The following CMIP variants were observed in gnomAD, a reference collection of about 807,000 sequenced individuals.
The protein encoded by CMIP is C-Maf-inducing protein.
In CMIP, 13 loss-of-function variants were observed where a neutral mutation model predicts 97.3. That is an observed-to-expected ratio of 0.13 (90% CI 0.09 to 0.21). The LOEUF is 0.21. Among genes scored for constraint, CMIP ranks in the 10% least tolerant of loss-of-function variants. The pLI is 1.00. For synonymous variants in CMIP, 538 were observed against 436.3 expected, an observed-to-expected ratio of 1.23 and a Z score of -2.91; for missense variants, 847 against 1,024.9, an observed-to-expected ratio of 0.83 and a Z score of 2.37.
intron 3 of CMIP, among the ~76,000 whole-genome samples, chr16:81,629,876 G>A (rs368442681): frequency 3.2e-4 from 49 of 152,328 alleles, no homozygotes; most frequent in African/African-American, 5.3e-4. Flanking sequence ...TATAGATAAC[G>A]CAGCCATGAC....
intron 1 of CMIP, among the ~76,000 whole-genome samples, chr16:81,484,080 C>T (rs1033842470): frequency 2.6e-5 from 4 of 152,292 alleles, no homozygotes; most frequent in East Asian, 1.9e-4. Context: ...GATTCATTGG[C>T]GGACAAACCA....
rs2092358564 is a variant in CMIP at position 81,645,827 on chromosome 16, A to T, written c.478-6376A>T. 7 of 582,576 alleles carry T rather than the reference A, an allele frequency of 1.2e-5. No individual in the cohort carries two copies. The Admixed American group carries it at 1.8e-4, about 15-fold the overall frequency. The allele number at this position is 582,576 out of a possible 1,614,324, so 36.1% of individuals were successfully genotyped here. A position where few individuals can be genotyped will look rare whatever the true frequency, so the allele number is the denominator to read the frequency against. On this transcript the variant is annotated intron_variant, in intron 3 of 20. Transcript: ENST00000537098. ...CTGCTGTTTAGCCAGGAACTGAGCT[A>T]AGTGTTTTATATATTATCTCATGAA...
intron 2 of CMIP, among the ~76,000 whole-genome samples, chr16:81,610,088 C>T (rs1358136620): frequency 2.0e-5 from 3 of 152,148 alleles, no homozygotes; most frequent in East Asian, 3.9e-4. Context: ...TCCTGCTCCA[C>T]CAGCAAAGGG....
Position 81,691,739 on chromosome 16 carries a change from C to A in CMIP, c.1389-36C>A, listed in dbSNP as rs1260988990. 5 of 1,596,086 alleles carry A rather than the reference C, an allele frequency of 3.1e-6. No homozygotes were observed. The Admixed American group carries it at 5.0e-5, about 16-fold the overall frequency. On this transcript the variant is annotated intron_variant, in intron 10 of 20. Coordinates refer to ENST00000537098, the MANE Select transcript of CMIP (RefSeq NM_198390.3). ...AACAGTGCCATAAACCTTCCTTGTC[C>A]CAACCAAAGCTGACTGTCACCCTCT...
chr16:81,670,366 GC>G, intron 8 of CMIP, 121 bp downstream of exon 8: 1 of 1,057,026 alleles, frequency 9.5e-7, no homozygotes, highest in South Asian at 1.5e-5. Flanking sequence ...CTATGAGGAA[GC>G]CCCTAGCCTA....
At position 81,701,607 on chromosome 16, in the gene CMIP, C is replaced by G. The variant is rs1192897720; in HGVS notation, c.1756-53C>G. ...AGGCCCTTGGGGTGCACAGAGTGTGCTGAGCTAGGGTGGCAGGCCGGGTCC... is the reference window on the plus strand; with the variant it reads ...AGGCCCTTGGGGTGCACAGAGTGTGGTGAGCTAGGGTGGCAGGCCGGGTCC... On this transcript the variant is annotated intron_variant, in intron 15 of 20. Coordinates refer to ENST00000537098, the MANE Select transcript of CMIP (RefSeq NM_198390.3). The G allele has an allele frequency of 9.3e-6, 15 of 1,612,236 alleles. No homozygotes were observed. The African/African-American group carries it at 1.7e-4, about 19-fold the overall frequency.
In CMIP at chr16:81,702,564, G is replaced by A. The variant is rs1482218734; in HGVS notation, c.1897-58G>A. On this transcript the variant is annotated intron_variant, in intron 16 of 20. Coordinates refer to ENST00000537098, the MANE Select transcript of CMIP (RefSeq NM_198390.3). ...ATGAGTGTTGTTAACAGAGGTGGAA[G>A]TCTAGAATGGAAACTTGGGGAAAAG... The A allele has an allele frequency of 5.9e-6, 9 of 1,519,516 alleles. No homozygotes were observed. The South Asian group carries it at 8.1e-5, about 14-fold the overall frequency. The allele number at this position is 1,519,516 out of a possible 1,614,324, so 94.1% of individuals were successfully genotyped here. A position where few individuals can be genotyped will look rare whatever the true frequency, so the allele number is the denominator to read the frequency against.
intron 1 of CMIP, among the ~76,000 whole-genome samples, chr16:81,532,294 GA>G (rs2090253078): frequency 6.6e-6 from 1 of 152,252 alleles, no homozygotes; most frequent in African/African-American, 2.4e-5. Flanking sequence ...GTGTTAGGTA[GA>G]AGTGTGTGTG....
At chr16:81,685,197 C>T (rs1905254763) in intron 10 of CMIP, among the ~76,000 whole-genome samples, 2 of 152,338 alleles carry the variant, frequency 1.3e-5, no homozygotes, top group South Asian at 4.1e-4. Flanking sequence ...CAAGGAAGTC[C>T]ACTTGCCCTC....
rs1555549305 is a variant in CMIP, at chr16:81,678,641, C to CG, written c.1388+13_1388+14insG. 73 of 1,318,228 alleles carry CG rather than the reference C, an allele frequency of 5.5e-5. No individual in the cohort carries two copies. The highest frequency in any genetic ancestry group is 3.1e-4 in the South Asian group (25 of 80,492). 81.7% of individuals were successfully genotyped at this position (1,318,228 alleles called of 1,614,324 possible). A position where few individuals can be genotyped will look rare whatever the true frequency, so the allele number is the denominator to read the frequency against. ...TCCTCAAGCTGCTGTGAGTGCCCCC[C>CG]CCGCGTGCCCGCCCCCGGGGCCGGT... On this transcript the variant is annotated intron_variant, in intron 10 of 20. Coordinates refer to ENST00000537098, the MANE Select transcript of CMIP (RefSeq NM_198390.3).
chr16:81,513,273 C>T (rs1030881137), intron 1 of CMIP, among the ~76,000 whole-genome samples: 2 of 152,214 alleles, frequency 1.3e-5, no homozygotes, highest in African/African-American at 4.8e-5. Flanking sequence ...GGGCTTCCTG[C>T]CAGCAGGCTA....
chr16:81,525,478 G>A (rs905166459), intron 1 of CMIP, among the ~76,000 whole-genome samples: 2 of 151,838 alleles, frequency 1.3e-5, no homozygotes, highest in Non-Finnish European at 2.9e-5. Flanking sequence ...TTTTATTATG[G>A]TCAAATACAT....
intron 1 of CMIP, among the ~76,000 whole-genome samples, chr16:81,588,377 A>G (rs960401143): frequency 6.6e-6 from 1 of 152,116 alleles, no homozygotes; most frequent in African/African-American, 2.4e-5. Context: ...TGTCCCTTCC[A>G]GTTGATTCTC....
At chr16:81,560,319 C>T (rs1407595213) in intron 1 of CMIP, among the ~76,000 whole-genome samples, 2 of 151,216 alleles carry the variant, frequency 1.3e-5, no homozygotes, top group African/African-American at 2.4e-5. Flanking sequence ...CCCGGGTTCA[C>T]GCCATTCTCC....
intron 7 of CMIP, among the ~76,000 whole-genome samples, chr16:81,668,541 C>T (rs2092636330): frequency 6.6e-6 from 1 of 152,144 alleles, no homozygotes; most frequent in Admixed American, 6.5e-5. Flanking sequence ...ACATATGGCC[C>T]TCAGCCGGCA....
rs1446505601 is a variant in CMIP at position 81,704,100 on chromosome 16, C to T, written c.2091+15C>T. 1.9e-6 allele frequency: 3 copies of T among 1,598,072 alleles called. No individual in the cohort carries two copies. The highest frequency in any genetic ancestry group is 2.6e-6 in the Non-Finnish European group (3 of 1,174,354). ...GGTCCACTCAGGTACGTCCTCCCGC[C>T]CTGCTGCAGTCCCCCACACCCTCCT... On this transcript the variant is annotated intron_variant, in intron 18 of 20. Transcript: ENST00000537098.
At chr16:81,457,421 G>A (rs117815767) in intron 1 of CMIP, among the ~76,000 whole-genome samples, 181 of 152,252 alleles carry the variant, frequency 1.2e-3, no homozygotes, top group Middle Eastern at 3.4e-3. Context: ...GAAATCACCC[G>A]TATTAACCAT....
At chr16:81,683,855 G>A (rs1360648576) in intron 10 of CMIP, among the ~76,000 whole-genome samples, 5 of 141,684 alleles carry the variant, frequency 3.5e-5, no homozygotes, top group East Asian at 2.2e-4. Flanking sequence ...TCTGCCTCGC[G>A]GGTTCAAGCC....
intron 2 of CMIP, among the ~76,000 whole-genome samples, chr16:81,610,895 G>T (rs1204029982): frequency 6.6e-6 from 1 of 152,128 alleles, no homozygotes; most frequent in African/African-American, 2.4e-5. Context: ...TTAGATCCCA[G>T]AGCCGTGGTG....
Sources: allele counts gnomAD v4.1 joint callset (sites outside exome capture counted in the v4.1 genomes callset), GRCh38; gene constraint gnomAD v4.1.1; transcripts MANE v1.5; gene names NCBI Gene and HGNC (gene_info 2026-07-23, HGNC 2026-07-21).